Variants in PRUNE1 observed in about 807,000 individuals in gnomAD.
PRUNE1 encodes the protein exopolyphosphatase PRUNE1.
PRUNE1 carries 25 observed loss-of-function variants against 42.5 expected under a neutral mutation model. The ratio of observed to expected loss-of-function variants is 0.59; its 90% CI spans 0.43 to 0.82. PRUNE1 has a LOEUF of 0.82. Among genes scored for constraint, PRUNE1 ranks in the 40% least tolerant of loss-of-function variants. The pLI is 0.00. For synonymous variants in PRUNE1, 203 were observed against 217.1 expected, an observed-to-expected ratio of 0.93 and a Z score of 0.57; for missense variants, 443 against 539.3, an observed-to-expected ratio of 0.82 and a Z score of 1.77.
At position 151,034,244 on chromosome 1, in the gene PRUNE1, G is replaced by C; in HGVS notation, c.*10G>C. ...CCTGTCCAAGAAGTGACTGTTGAGA[G>C]GCGAGGAGGTAGTGGGTGAGGCTAC... is the stretch of plus-strand genomic sequence containing the variant. On this transcript the variant is annotated 3_prime_UTR_variant, in exon 8 of 8. Transcript: ENST00000271620. The C allele has an allele frequency of 6.3e-7, 1 of 1,599,434 alleles. No homozygotes were observed.
chr1:151,013,655 C>T (rs1444301473), intron 1 of PRUNE1, among the ~76,000 whole-genome samples: 1 of 152,168 alleles, frequency 6.6e-6, no homozygotes, highest in Non-Finnish European at 1.5e-5. Flanking sequence ...CTCCACTGCT[C>T]TTATGTTTTT....
At chr1:151,017,505 C>T (rs771316834) in intron 1 of PRUNE1, among the ~76,000 whole-genome samples, 3 of 152,150 alleles carry the variant, frequency 2.0e-5, no homozygotes, top group Middle Eastern at 3.4e-3. Flanking sequence ...GTTATCCCAG[C>T]ACTTTGGATC....
At chr1:151,029,030 C>T in intron 7 of PRUNE1, 86 bp downstream of exon 7, 12 of 1,387,956 alleles carry the variant, frequency 8.6e-6, no homozygotes, top group Non-Finnish European at 1.2e-5. Context: ...CCTATAAGGA[C>T]CTCTCTTAGG....
At position 151,015,397 on chromosome 1, in the gene PRUNE1, A is replaced by G. The variant is rs184986391; in HGVS notation, c.40-2415A>G. Reference sequence around the variant, plus strand: ...ATGCCTGTAATCCCAGCACTTTGGGAGTCTGAGGCGGGCGGATCACGAGGT... The same window carrying G: ...ATGCCTGTAATCCCAGCACTTTGGGGGTCTGAGGCGGGCGGATCACGAGGT... On this transcript the variant is annotated intron_variant, in intron 1 of 7. Coordinates refer to ENST00000271620, the MANE Select transcript of PRUNE1 (RefSeq NM_021222.3). Among the ~76,000 whole-genome samples, 514 of 148,110 alleles carry G rather than the reference A, an allele frequency of 3.5e-3. 3 individuals are homozygous for G. The highest frequency in any genetic ancestry group is 8.4e-3 in the South Asian group (39 of 4,660).
At chr1:151,033,380 C>T (rs1249337178) in intron 7 of PRUNE1, among the ~76,000 whole-genome samples, 7 of 150,330 alleles carry the variant, frequency 4.7e-5, no homozygotes, top group East Asian at 2.0e-4. Flanking sequence ...CCACCGCGCC[C>T]GGCTGACTTA....
intron 1 of PRUNE1, among the ~76,000 whole-genome samples, chr1:151,013,983 C>CT (rs776102467): frequency 0.094 from 13,580 of 144,916 alleles, 786 homozygotes; most frequent in African/African-American, 0.16. Flanking sequence ...TGCTTCCACA[C>CT]TTTTTTTTTT....
chr1:151,015,490 C>T (rs984019226), intron 1 of PRUNE1, among the ~76,000 whole-genome samples: 8 of 151,544 alleles, frequency 5.3e-5, no homozygotes, highest in African/African-American at 1.5e-4. Flanking sequence ...AAAAATTAGC[C>T]GAGCATGGTG....
chr1:151,032,869 G>C (rs749248825), intron 7 of PRUNE1, among the ~76,000 whole-genome samples: 2 of 151,818 alleles, frequency 1.3e-5, no homozygotes, highest in Non-Finnish European at 2.9e-5. Context: ...CGCCTCCCAG[G>C]TTCAAATGAT....
intron 5 of PRUNE1, 72 bp downstream of exon 5, chr1:151,025,745 ATT>A (rs55774303): frequency 0.037 from 40,416 of 1,095,944 alleles, 42 homozygotes; most frequent in South Asian, 0.071. Context: ...TCATTATATT[ATT>A]TTTTTTTTTT....
chr1:151,022,633 A>G (rs192985287), intron 3 of PRUNE1: 19 of 143,762 alleles, frequency 1.3e-4, no homozygotes, highest in African/African-American at 3.9e-4. Context: ...GTTAGCCAGG[A>G]TGGTCTCGAT....
intron 7 of PRUNE1, among the ~76,000 whole-genome samples, chr1:151,033,213 G>A (rs1213728210): frequency 6.6e-6 from 1 of 151,436 alleles, no homozygotes; most frequent in Non-Finnish European, 1.5e-5. Flanking sequence ...AGCCTCCCAA[G>A]TAGCTGGGAT....
At chr1:151,013,705 C>T (rs1571770089) in intron 1 of PRUNE1, among the ~76,000 whole-genome samples, 1 of 152,140 alleles carries the variant, frequency 6.6e-6, no homozygotes, top group Admixed American at 6.6e-5. Flanking sequence ...TATATAGTTT[C>T]CTCTCTAGAG....
rs1423432901 is a variant in PRUNE1 at position 151,027,295 on chromosome 1, G to T, written c.742G>T (p.Val248Leu). 6.2e-7 allele frequency: 1 copy of T among 1,610,102 alleles called. No homozygotes were observed. Among genetic ancestry groups the T allele is most frequent in the African/African-American group, 1.3e-5 (1 of 74,940 alleles). The change falls in exon 6 of 8, where the codon GTG (valine) becomes TTG (leucine). Residue 248 changes from valine to leucine, a missense_variant. Coordinates refer to ENST00000271620, the MANE Select transcript of PRUNE1 (RefSeq NM_021222.3). ...QKTIYRQGVK[V>L]AISAIYMDLE... ...GACTATCTATAGACAAGGCGTCAAG[G>T]TGGCCATTAGTGCAATATATATGGA...
At chr1:151,012,982 C>T (rs950190019) in intron 1 of PRUNE1, among the ~76,000 whole-genome samples, 1 of 152,068 alleles carries the variant, frequency 6.6e-6, no homozygotes, top group Non-Finnish European at 1.5e-5. Flanking sequence ...AGGCTGGTCT[C>T]GAACCCCTGA....
At chr1:151,008,788 A>C in intron 1 of PRUNE1, 117 bp downstream of exon 1, 12 of 717,202 alleles carry the variant, frequency 1.7e-5, no homozygotes, top group Non-Finnish European at 2.8e-5. Context: ...AGTTGTGGGG[A>C]GGGGGGTTGG....
intron 5 of PRUNE1, among the ~76,000 whole-genome samples, chr1:151,026,591 A>G (rs1043663099): frequency 1.3e-5 from 2 of 152,104 alleles, no homozygotes; most frequent in Non-Finnish European, 2.9e-5. Context: ...CAAAAGAAAT[A>G]TTTTGTGAGT....
At chr1:151,013,721 T>C (rs1417193691) in intron 1 of PRUNE1, among the ~76,000 whole-genome samples, 1 of 152,164 alleles carries the variant, frequency 6.6e-6, no homozygotes, top group Non-Finnish European at 1.5e-5. Flanking sequence ...TAGAGAACAC[T>C]CGCTCCCCCT....
intron 3 of PRUNE1, 33 bp downstream of exon 3, chr1:151,018,702 A>G: frequency 6.3e-7 from 1 of 1,581,130 alleles, no homozygotes; most frequent in East Asian, 2.2e-5. Flanking sequence ...GCTACCTATC[A>G]TGTACCATGC....
intron 7 of PRUNE1, among the ~76,000 whole-genome samples, chr1:151,029,858 T>C (rs145984056): frequency 6.2e-4 from 94 of 152,290 alleles, no homozygotes; most frequent in Middle Eastern, 3.4e-3. Flanking sequence ...AATTATTCTG[T>C]ATAGTGCAAA....
Sources: allele counts gnomAD v4.1 joint callset (sites outside exome capture counted in the v4.1 genomes callset), GRCh38; gene constraint gnomAD v4.1.1; transcripts MANE v1.5; gene names NCBI Gene and HGNC (gene_info 2026-07-23, HGNC 2026-07-21).